The following ZNF331 variants were observed in gnomAD, a reference collection of about 807,000 sequenced individuals.
The protein encoded by ZNF331 is zinc finger protein 331, also known as C2H2-like zinc finger protein rearranged in thyroid adenomas.
A neutral mutation model predicts 7.0 loss-of-function variants in ZNF331; 2 were observed. The ratio of observed to expected loss-of-function variants is 0.29; its 90% confidence interval spans 0.12 to 0.90. The LOEUF is 0.90. Among genes scored for constraint, ZNF331 ranks in the 40% least tolerant of loss-of-function variants. ZNF331 has a pLI of 0.58. For missense variants in ZNF331, 432 were observed against 587.7 expected, an observed-to-expected ratio of 0.74 and a Z score of 2.74; for synonymous variants, 196 against 205.4, an observed-to-expected ratio of 0.95 and a Z score of 0.39.
chr19:53,565,454 C>T (rs2090106584), intron 3 of ZNF331, among the ~76,000 whole-genome samples: 1 of 152,158 alleles, frequency 6.6e-6, no homozygotes. Flanking sequence ...TGTGGCCCCA[C>T]AAAGCGCAGT....
chr19:53,517,584 T>C (rs1286725674), upstream of ZNF331, among the ~76,000 whole-genome samples: 1 of 152,200 alleles, frequency 6.6e-6, no homozygotes, highest in Non-Finnish European at 1.5e-5. Context: ...ACCAGGAGAC[T>C]GTTTATGTCT....
rs536205435 is a variant in ZNF331, at chr19:53,578,800, T to C, written c.*848T>C. On this transcript the variant is annotated 3_prime_UTR_variant, in exon 6 of 6. Coordinates refer to ENST00000449416, the MANE Select transcript of ZNF331 (RefSeq NM_001079906.2). ...AGGCTTCACTGATCACTGTTGTTTTTGTTTTTGTTTTTGTTTTTTTGAGAC... is the reference window on the plus strand; with the variant it reads ...AGGCTTCACTGATCACTGTTGTTTTCGTTTTTGTTTTTGTTTTTTTGAGAC... 8.0e-4 allele frequency: 159 copies of C among 197,926 alleles called. No homozygotes were observed. Among genetic ancestry groups the C allele is most frequent in the African/African-American group, 3.1e-3 (136 of 43,416 alleles). The allele number at this position is 197,926 out of a possible 1,614,324, so 12.3% of individuals were successfully genotyped here.
At chr19:53,555,943 ATG>A (rs377707611) in intron 3 of ZNF331, 35 bp downstream of exon 3, 7 of 148,844 alleles carry the variant, frequency 4.7e-5, no homozygotes, top group African/African-American at 1.7e-4. Flanking sequence ...ATTAAATCAT[ATG>A]TGTTTATGAG....
Position 53,569,293 on chromosome 19 carries a change from T to TC in ZNF331, c.-73-9dup. 1 of 1,514,250 alleles carries TC rather than the reference T, an allele frequency of 6.6e-7. No homozygotes were observed. Among genetic ancestry groups the TC allele is most frequent in the Non-Finnish European group, 9.1e-7 (1 of 1,096,544 alleles). 93.8% of individuals were successfully genotyped at this position (1,514,250 alleles called of 1,614,324 possible). A position where few individuals can be genotyped will look rare whatever the true frequency, so the allele number is the denominator to read the frequency against. On this transcript the variant is annotated splice_polypyrimidine_tract_variant and intron_variant, in intron 3 of 5. Coordinates refer to ENST00000449416, the MANE Select transcript of ZNF331 (RefSeq NM_001079906.2). ...TGCACCTCGTTTTAATCTCTTTTTT[T>TC]CCACCCCTAGCTCTAGCCTCTCGGA...
intron 3 of ZNF331, among the ~76,000 whole-genome samples, chr19:53,563,563 C>G (rs1165098752): frequency 6.6e-6 from 1 of 151,670 alleles, no homozygotes; most frequent in Non-Finnish European, 1.5e-5. Flanking sequence ...ATATTGGCAA[C>G]TGGCTTGAGA....
At position 53,576,737 on chromosome 19, in the gene ZNF331, A is replaced by G; in HGVS notation, c.177A>G (p.Glu59=). The part of the protein sequence containing the change: ...SAYENKSLPT[E]KNIHEIRASK... ...ATGAAAATAAGAGTTTACCTACAGA[A>G]AAAAACATTCATGAAATAAGGGCTT... The change falls in exon 6 of 6, where the codon GAA becomes GAG. Residue 59 remains glutamate (E), a synonymous_variant. Transcript: ENST00000449416. The G allele has an allele frequency of 6.2e-7, 1 of 1,612,140 alleles. No individual in the cohort carries two copies. Among genetic ancestry groups the G allele is most frequent in the Non-Finnish European group, 8.5e-7 (1 of 1,179,466 alleles).
At chr19:53,529,727 C>A (rs73935610) in intron 2 of ZNF331, among the ~76,000 whole-genome samples, 1 of 152,102 alleles carries the variant, frequency 6.6e-6, no homozygotes, top group Admixed American at 6.5e-5. Context: ...GTCTGCAGTA[C>A]GCCAAACTCT....
Position 53,558,977 on chromosome 19 carries a change from A to G in ZNF331, c.-74+3069A>G, listed in dbSNP as rs1408497641. Among the ~76,000 whole-genome samples, 3 of 150,788 alleles carry G rather than the reference A, an allele frequency of 2.0e-5. No homozygotes were observed. In the East Asian group the frequency reaches 5.9e-4, roughly 30 times the overall value. ...CATACCATATACACACCATACACACATATACACACACATACCCCATATATA... is the reference window on the plus strand; with the variant it reads ...CATACCATATACACACCATACACACGTATACACACACATACCCCATATATA... On this transcript the variant is annotated intron_variant, in intron 3 of 5. Coordinates refer to ENST00000449416, the MANE Select transcript of ZNF331 (RefSeq NM_001079906.2). The surrounding 1 kb of genome is among the most constrained non-coding windows in gnomAD (Gnocchi z 4.5).
In ZNF331 at chr19:53,580,130, G is replaced by A. The variant is rs963721345; in HGVS notation, c.*2178G>A. 9.6e-5 allele frequency: 20 copies of A among 208,836 alleles called. No homozygotes were observed. The highest frequency in any genetic ancestry group is 2.3e-5 in the African/African-American group (1 of 43,972). The allele number at this position is 208,836 out of a possible 1,614,324, so 12.9% of individuals were successfully genotyped here. On this transcript the variant is annotated 3_prime_UTR_variant, in exon 6 of 6. Coordinates refer to ENST00000449416, the MANE Select transcript of ZNF331 (RefSeq NM_001079906.2). ...CACCACAAAGAAGGAGGATAAGGGA[G>A]CGAGGTGATGGATATGTTAATTAGC...
chr19:53,577,046 A>G lies in ZNF331; in HGVS notation c.486A>G (p.Lys162=), dbSNP rs756401027. The part of the protein sequence containing the change: ...IHTGEKPYEC[K]ECKKAFRWGN... ...CTGGTGAGAAACCTTATGAATGTAAAGAATGTAAGAAGGCCTTCCGTTGGG... is the reference window on the plus strand; with the variant it reads ...CTGGTGAGAAACCTTATGAATGTAAGGAATGTAAGAAGGCCTTCCGTTGGG... Residue 162 remains lysine (K), a synonymous_variant, in exon 6 of 6, where the codon AAA becomes AAG. Coordinates refer to ENST00000449416, the MANE Select transcript of ZNF331 (RefSeq NM_001079906.2). 3 of 1,613,606 alleles carry G rather than the reference A, an allele frequency of 1.9e-6. No homozygotes were observed. The highest frequency in any genetic ancestry group is 2.2e-5 in the East Asian group (1 of 44,852).
rs1433267637 is a variant in ZNF331 at position 53,555,830 on chromosome 19, T to C, written c.-137-15T>C. ...GGTATGGCAGGTGTTACCCTTCTGGTTCTGTTTTCCCCAGGCCAGCATCCT... is the reference window on the plus strand; with the variant it reads ...GGTATGGCAGGTGTTACCCTTCTGGCTCTGTTTTCCCCAGGCCAGCATCCT... On this transcript the variant is annotated splice_polypyrimidine_tract_variant and intron_variant, in intron 2 of 5. Coordinates refer to ENST00000449416, the MANE Select transcript of ZNF331 (RefSeq NM_001079906.2). 6.6e-6 allele frequency: 1 copy of C among 152,142 alleles called. No individual in the cohort carries two copies. The highest frequency in any genetic ancestry group is 1.9e-4 in the East Asian group (1 of 5,184). The allele number at this position is 152,142 out of a possible 1,614,324, so 9.4% of individuals were successfully genotyped here.
chr19:53,546,285 G>C (rs1428906233), intron 2 of ZNF331, among the ~76,000 whole-genome samples: 1 of 151,246 alleles, frequency 6.6e-6, no homozygotes, highest in Non-Finnish European at 1.5e-5. Context: ...TACCTTTTTT[G>C]TTCATTAAAT....
At chr19:53,513,497 G>A in the ZNF331 span, among the ~76,000 whole-genome samples, 7 of 152,098 alleles carry the variant, frequency 4.6e-5, no homozygotes, top group Non-Finnish European at 1.5e-5. Context: ...CAACAACAAC[G>A]TACAGGGGTA....
chr19:53,559,339 CACAT>C (rs1210140178), intron 3 of ZNF331, among the ~76,000 whole-genome samples: 1 of 150,322 alleles, frequency 6.7e-6, no homozygotes, highest in Admixed American at 6.6e-5. Flanking sequence ...TAGAGACACA[CACAT>C]ATACACACCA....
the ZNF331 span, among the ~76,000 whole-genome samples, chr19:53,506,420 CTCTCTCTCTCTCTCTCTCTCTCTG>C: frequency 2.4e-5 from 2 of 84,318 alleles, no homozygotes; most frequent in East Asian, 3.3e-4. Context: ...TCCTCTCTCT[CTCTCTCTCTCTCTCTCTCTCTCTG>C]TCTCTCTCTC....
At position 53,539,110 on chromosome 19, in the gene ZNF331, G is replaced by C. The variant is rs2087949526; in HGVS notation, c.-204-106G>C. 1 of 152,200 alleles carries C rather than the reference G, an allele frequency of 6.6e-6. No individual in the cohort carries two copies. Among genetic ancestry groups the C allele is most frequent in the Non-Finnish European group, 1.5e-5 (1 of 68,098 alleles). The allele number at this position is 152,200 out of a possible 1,614,324, so 9.4% of individuals were successfully genotyped here. A position where few individuals can be genotyped will look rare whatever the true frequency, so the allele number is the denominator to read the frequency against. ...ACGCGTCATCATCTCAATCGCCACA[G>C]CGTGCTCTTCAGGAATCTCCCAGAA... On this transcript the variant is annotated intron_variant, in intron 1 of 5. Transcript: ENST00000449416. The surrounding 1 kb of genome is among the most constrained non-coding windows in gnomAD (Gnocchi z 6.1).
At chr19:53,561,347 A>AC (rs1369744111) in intron 3 of ZNF331, among the ~76,000 whole-genome samples, 2 of 152,060 alleles carry the variant, frequency 1.3e-5, no homozygotes, top group East Asian at 3.9e-4. Context: ...AAAAAAAAAA[A>AC]AAAAACAAAT....
At chr19:53,545,850 G>A (rs986291580) in intron 2 of ZNF331, among the ~76,000 whole-genome samples, 1 of 152,174 alleles carries the variant, frequency 6.6e-6, no homozygotes. Flanking sequence ...TCACAGTAAC[G>A]GGAAGCCTCA....
chr19:53,512,832 GATC>G, the ZNF331 span: 1 of 133,476 alleles, frequency 7.5e-6, no homozygotes, highest in African/African-American at 2.8e-5. Flanking sequence ...CTCTTTATGA[GATC>G]AAACTAATGC....
Sources: gnomAD v4.1 joint callset for allele counts (sites outside exome capture counted in the v4.1 genomes callset) on GRCh38, gnomAD v4.1.1 for gene constraint, Gnocchi (gnomAD v3.1) non-coding constraint, MANE v1.5 for transcripts, NCBI Gene and HGNC (gene_info 2026-07-23, HGNC 2026-07-21) for gene names.